TRIO: variants seen among roughly 807,000 people sequenced by gnomAD.
TRIO encodes trio Rho guanine nucleotide exchange factor.
TRIO carries 58 observed loss-of-function variants against 351.9 expected under a neutral mutation model. That is an observed-to-expected ratio of 0.16 (90% CI 0.13 to 0.21). TRIO has a LOEUF of 0.21. TRIO is among the 10% of genes least tolerant of loss of function. The pLI is 1.00. For missense variants in TRIO, 3,201 were observed against 4,027.8 expected (o/e 0.79, Z 5.56); for synonymous variants, 1,758 against 1,595.7 (o/e 1.10, Z -2.42).
At chr5:14,362,159 A>C (rs765719156) in intron 13 of TRIO, among the ~76,000 whole-genome samples, 8 of 152,362 alleles carry the variant, frequency 5.3e-5, no homozygotes, top group Middle Eastern at 3.4e-3. Flanking sequence ...CACAGAGGAC[A>C]GTACAGTGGA....
intron 34 of TRIO, among the ~76,000 whole-genome samples, chr5:14,432,743 CTT>C (rs1434077157): frequency 6.6e-6 from 1 of 152,068 alleles, no homozygotes; most frequent in Admixed American, 6.5e-5. Flanking sequence ...GCCATTTTTT[CTT>C]TATCAGTTTG....
chr5:14,487,130 C>T (rs1579800072), intron 47 of TRIO, among the ~76,000 whole-genome samples: 1 of 152,136 alleles, frequency 6.6e-6, no homozygotes, highest in Non-Finnish European at 1.5e-5. Flanking sequence ...CTTTTTCACC[C>T]CAGGACTCTG....
chr5:14,250,224 G>A (rs1240556957), intron 1 of TRIO, among the ~76,000 whole-genome samples: 3 of 152,162 alleles, frequency 2.0e-5, no homozygotes, highest in Non-Finnish European at 4.4e-5. Context: ...TTTAGCTGCC[G>A]GCCACGTGGC....
chr5:14,354,989 G>C lies in TRIO; in HGVS notation c.2047-3189G>C, dbSNP rs567687361. 1.0e-3 allele frequency among the ~76,000 whole-genome samples: 155 copies of C among 152,322 alleles called. 1 individual carries two copies. Among genetic ancestry groups the C allele is most frequent in the Non-Finnish European group, 8.5e-4 (58 of 68,032 alleles). On this transcript the variant is annotated intron_variant, in intron 11 of 56. Coordinates refer to ENST00000344204, the MANE Select transcript of TRIO (RefSeq NM_007118.4). ...TTTCTTTGTGAGCAGAATCAGTGCA[G>C]TTGCACAGCACCGCTTTTTCATCAG...
intron 34 of TRIO, among the ~76,000 whole-genome samples, chr5:14,429,450 C>G (rs1169512609): frequency 6.6e-6 from 1 of 152,094 alleles, no homozygotes; most frequent in Non-Finnish European, 1.5e-5. Flanking sequence ...GCTGAAAATG[C>G]AAAGAGAAGG....
chr5:14,368,954 A>G, intron 17 of TRIO, 55 bp downstream of exon 17: 2 of 1,552,136 alleles, frequency 1.3e-6, no homozygotes, highest in Non-Finnish European at 1.8e-6. Flanking sequence ...TTTGAGCTTA[A>G]TTTATTGGAC....
chr5:14,223,607 T>C (rs1175072894), intron 1 of TRIO, among the ~76,000 whole-genome samples: 1 of 152,172 alleles, frequency 6.6e-6, no homozygotes, highest in African/African-American at 2.4e-5. Flanking sequence ...CCCCTTCTGA[T>C]GGTGTGTAGG....
At chr5:14,378,928 CCTT>C (rs1305873345) in intron 20 of TRIO, among the ~76,000 whole-genome samples, 8 of 152,252 alleles carry the variant, frequency 5.3e-5, no homozygotes, top group African/African-American at 1.9e-4. Flanking sequence ...TGGAGTATCC[CCTT>C]CTTAAGTCAT....
intron 11 of TRIO, among the ~76,000 whole-genome samples, chr5:14,344,452 A>C (rs1325345980): frequency 6.6e-6 from 1 of 152,238 alleles, no homozygotes; most frequent in East Asian, 1.9e-4. Context: ...AAATTTGCTG[A>C]GTGATCTGGG....
chr5:14,328,439 A>G (rs1391448479), intron 9 of TRIO, among the ~76,000 whole-genome samples: 2 of 152,248 alleles, frequency 1.3e-5, no homozygotes, highest in African/African-American at 2.4e-5. Context: ...AATGTGCTCA[A>G]TACACTAGTT....
chr5:14,207,420 ACACACACACACG>A (rs1554033435), intron 1 of TRIO, among the ~76,000 whole-genome samples: 2 of 93,806 alleles, frequency 2.1e-5, no homozygotes, highest in African/African-American at 3.3e-5. Context: ...ACACACACAC[ACACACACACACG>A]CAGCCAGGTA....
chr5:14,410,627 T>C (rs1264187612), intron 33 of TRIO, among the ~76,000 whole-genome samples: 4 of 152,232 alleles, frequency 2.6e-5, no homozygotes, highest in Admixed American at 2.6e-4. Context: ...TATTAGTTAG[T>C]TGTTATCATG....
chr5:14,199,663 C>T (rs926336652), intron 1 of TRIO, among the ~76,000 whole-genome samples: 1 of 152,180 alleles, frequency 6.6e-6, no homozygotes. Flanking sequence ...TGTTCCCTGC[C>T]CCTCTCCTCT....
At chr5:14,287,152 A>G (rs1736512389) in intron 4 of TRIO, 89 bp downstream of exon 4, 1 of 1,308,174 alleles carries the variant, frequency 7.6e-7, no homozygotes, top group South Asian at 1.4e-5. Context: ...TTTTTTTTAA[A>G]CCACATATTA....
At position 14,374,346 on chromosome 5, in the gene TRIO, G is replaced by A. The variant is rs764436878; in HGVS notation, c.3331+3G>A. On this transcript the variant is annotated splice_donor_region_variant and intron_variant, in intron 19 of 56. Coordinates refer to ENST00000344204, the MANE Select transcript of TRIO (RefSeq NM_007118.4). ...AGCTCCTGAACAGCAAGTGAAAAGT[G>A]AGTAGAGCTGGGAGTCTCCAGGGGT... 3 of 1,611,210 alleles carry A rather than the reference G, an allele frequency of 1.9e-6. No individual in the cohort carries two copies. The highest frequency in any genetic ancestry group is 2.5e-6 in the Non-Finnish European group (3 of 1,178,334).
intron 1 of TRIO, among the ~76,000 whole-genome samples, chr5:14,155,461 C>T (rs186408049): frequency 1.3e-5 from 2 of 152,252 alleles, no homozygotes; most frequent in East Asian, 3.9e-4. Flanking sequence ...TCAGGATTGT[C>T]CTTTTTGGCA....
chr5:14,315,110 T>C (rs956436933), intron 8 of TRIO, among the ~76,000 whole-genome samples: 2 of 152,194 alleles, frequency 1.3e-5, no homozygotes, highest in Non-Finnish European at 2.9e-5. Flanking sequence ...TTCTGCAGGG[T>C]CACTTGCCAC....
chr5:14,351,545 A>G (rs950385966), intron 11 of TRIO, among the ~76,000 whole-genome samples: 2 of 152,202 alleles, frequency 1.3e-5, no homozygotes, highest in Non-Finnish European at 2.9e-5. Context: ...ACCAATGGCA[A>G]CAGCTTCTGT....
chr5:14,315,696 TCA>T (rs1322233545), intron 8 of TRIO, among the ~76,000 whole-genome samples: 1 of 152,242 alleles, frequency 6.6e-6, no homozygotes, highest in African/African-American at 2.4e-5. Context: ...TGTCTGATTG[TCA>T]CTTTTTTTCC....
Sources: gnomAD v4.1 joint callset for allele counts (sites outside exome capture counted in the v4.1 genomes callset) on GRCh38, gnomAD v4.1.1 for gene constraint, MANE v1.5 for transcripts, NCBI Gene and HGNC (gene_info 2026-07-23, HGNC 2026-07-21) for gene names.